The following LPP variants were observed in gnomAD, a reference collection of about 807,000 sequenced individuals.
LPP encodes lipoma-preferred partner.
Under a neutral mutation model 60.4 loss-of-function variants are expected in LPP, and 38 were observed. The ratio of observed to expected loss-of-function variants is 0.63; its 90% CI spans 0.49 to 0.83. LPP has a LOEUF of 0.83. Ranked by LOEUF, LPP falls within the 40% of genes least tolerant of loss-of-function variation. LPP has a pLI of 0.00. For missense variants in LPP, 902 were observed against 783.6 expected (o/e 1.15, Z -1.80); for synonymous variants, 328 against 290.8 (o/e 1.13, Z -1.30).
At position 188,882,446 on chromosome 3, in the gene LPP, T is replaced by C. The variant is rs1770146343; in HGVS notation, c.*7967T>C. ...GAAGTATTTACTTGCTTTTCCCATC[T>C]CTTTATAATTGGAAGAGAAGATGAT... On this transcript the variant is annotated 3_prime_UTR_variant, in exon 12 of 12. Transcript: ENST00000617246. 4.4e-6 allele frequency: 1 copy of C among 226,818 alleles called. No homozygotes were observed. The highest frequency in any genetic ancestry group is 2.2e-5 in the African/African-American group (1 of 45,006). The allele number at this position is 226,818 out of a possible 1,614,324, so 14.1% of individuals were successfully genotyped here.
At position 188,692,765 on chromosome 3, in the gene LPP, T is replaced by C. The variant is rs189035124; in HGVS notation, c.1114-15502T>C. 5.0e-3 allele frequency among the ~76,000 whole-genome samples: 762 copies of C among 152,342 alleles called. 8 individuals are homozygous for C. Among genetic ancestry groups the C allele is most frequent in the Non-Finnish European group, 5.3e-3 (360 of 68,034 alleles). On this transcript the variant is annotated intron_variant, in intron 7 of 11. Transcript: ENST00000617246. Reference sequence around the variant, plus strand: ...ATTTGCAATCATCTCTTCAGGTATATGTAGTTTTTGTGTTAGAAGCTTGCT... The same window carrying C: ...ATTTGCAATCATCTCTTCAGGTATACGTAGTTTTTGTGTTAGAAGCTTGCT...
At chr3:188,381,775 CTCTT>C (rs1214463942) in intron 3 of LPP, among the ~76,000 whole-genome samples, 1 of 152,074 alleles carries the variant, frequency 6.6e-6, no homozygotes, top group Non-Finnish European at 1.5e-5. Flanking sequence ...GACTAGGAAA[CTCTT>C]TATTTAAATG....
At chr3:188,226,279 G>A (rs1717729301) in intron 2 of LPP, among the ~76,000 whole-genome samples, 1 of 152,122 alleles carries the variant, frequency 6.6e-6, no homozygotes, top group South Asian at 2.1e-4. Context: ...AAATTGCTGG[G>A]ATTATAGGTG....
chr3:188,707,126 A>G (rs1277806082), intron 7 of LPP, among the ~76,000 whole-genome samples: 1 of 152,088 alleles, frequency 6.6e-6, no homozygotes, highest in Non-Finnish European at 1.5e-5. Flanking sequence ...TTGCATTGCT[A>G]TAATTCTGGC....
At chr3:188,345,589 G>A (rs751960550) in intron 3 of LPP, among the ~76,000 whole-genome samples, 2 of 152,128 alleles carry the variant, frequency 1.3e-5, no homozygotes, top group African/African-American at 4.8e-5. Flanking sequence ...CAAGGCCTGC[G>A]ATTCCCAATT....
At chr3:188,372,044 A>C (rs1167129105) in intron 3 of LPP, among the ~76,000 whole-genome samples, 2 of 151,708 alleles carry the variant, frequency 1.3e-5, no homozygotes, top group Non-Finnish European at 2.9e-5. Flanking sequence ...TGTTTCCCCA[A>C]AGATGTGGAG....
At chr3:188,577,753 G>GTTCC (rs1234083202) in intron 6 of LPP, among the ~76,000 whole-genome samples, 7 of 98,024 alleles carry the variant, frequency 7.1e-5, no homozygotes, top group Non-Finnish European at 1.5e-4. Context: ...TTGTTCCTTC[G>GTTCC]TTCCTTCGTT....
chr3:188,777,889 G>T (rs933252003), intron 9 of LPP, among the ~76,000 whole-genome samples: 2 of 152,036 alleles, frequency 1.3e-5, no homozygotes, highest in Non-Finnish European at 2.9e-5. Flanking sequence ...TTCTAAATAC[G>T]AACTTATTCA....
chr3:188,381,279 A>G (rs1362204200), intron 3 of LPP, among the ~76,000 whole-genome samples: 1 of 151,990 alleles, frequency 6.6e-6, no homozygotes, highest in Non-Finnish European at 1.5e-5. Context: ...TCTGCTATTG[A>G]TTTTCATCTT....
chr3:188,229,466 C>T lies in LPP; in HGVS notation c.-67+3939C>T, dbSNP rs577579551. 5.3e-5 allele frequency among the ~76,000 whole-genome samples: 8 copies of T among 152,326 alleles called. No individual in the cohort carries two copies. In the South Asian group the frequency reaches 1.2e-3, roughly 24 times the overall value. On this transcript the variant is annotated intron_variant, in intron 2 of 11. Transcript: ENST00000617246. ...CCGGAAGCAAAGCATTGGTCACTTC[C>T]GTCAGAGGTGAATGTCTTGGCTGTC...
intron 4 of LPP, among the ~76,000 whole-genome samples, chr3:188,465,301 G>A (rs1046650797): frequency 1.3e-5 from 2 of 152,124 alleles, no homozygotes; most frequent in African/African-American, 4.8e-5. Context: ...ACTATGATGA[G>A]TGGGTTGGGA....
At chr3:188,484,830 A>G (rs752948854) in intron 5 of LPP, 126 bp downstream of exon 5, 6 of 686,392 alleles carry the variant, frequency 8.7e-6, no homozygotes, top group African/African-American at 5.3e-5. Context: ...TCCAGAGCCT[A>G]TTGAGAGCTT....
At chr3:188,687,920 G>A (rs1056406339) in intron 7 of LPP, among the ~76,000 whole-genome samples, 3 of 151,878 alleles carry the variant, frequency 2.0e-5, no homozygotes, top group South Asian at 2.1e-4. Context: ...GACTACAGGC[G>A]CCCATCACCA....
intron 6 of LPP, among the ~76,000 whole-genome samples, chr3:188,538,489 G>T (rs1040403117): frequency 1.3e-5 from 2 of 152,150 alleles, no homozygotes; most frequent in Non-Finnish European, 2.9e-5. Context: ...ACCACAACGA[G>T]ATATCACTTC....
chr3:188,458,237 G>A (rs1798214384), intron 4 of LPP, among the ~76,000 whole-genome samples: 1 of 152,050 alleles, frequency 6.6e-6, no homozygotes, highest in Admixed American at 6.6e-5. Context: ...TTGTGTATAT[G>A]GATAAAAGAT....
intron 5 of LPP, among the ~76,000 whole-genome samples, chr3:188,521,457 A>G (rs1307156515): frequency 6.6e-6 from 1 of 152,188 alleles, no homozygotes; most frequent in Admixed American, 6.5e-5. Flanking sequence ...GACTTCAGGC[A>G]TAGTCAGTTG....
intron 4 of LPP, among the ~76,000 whole-genome samples, chr3:188,420,094 C>G (rs998392107): frequency 6.6e-6 from 1 of 151,672 alleles, no homozygotes. Context: ...TTAAAAAATT[C>G]TGATTATAAA....
intron 2 of LPP, among the ~76,000 whole-genome samples, chr3:188,285,006 G>C (rs1309019418): frequency 1.3e-5 from 2 of 152,062 alleles, no homozygotes; most frequent in Non-Finnish European, 2.9e-5. Flanking sequence ...AATTCAGAGG[G>C]GGCATAAGCA....
chr3:188,449,344 C>A (rs1796060314), intron 4 of LPP, among the ~76,000 whole-genome samples: 1 of 152,094 alleles, frequency 6.6e-6, no homozygotes, highest in Non-Finnish European at 1.5e-5. Flanking sequence ...TTCTCCCTTC[C>A]ACCTCACAGA....
Sources: allele counts gnomAD v4.1 joint callset (sites outside exome capture counted in the v4.1 genomes callset), GRCh38; gene constraint gnomAD v4.1.1; transcripts MANE v1.5; gene names NCBI Gene and HGNC (gene_info 2026-07-23, HGNC 2026-07-21).